GPC5: variants seen among roughly 807,000 people sequenced by gnomAD.
The protein encoded by GPC5 is glypican-5.
GPC5 carries 47 observed loss-of-function variants against 53.9 expected under a neutral mutation model. The ratio of observed to expected loss-of-function variants is 0.87; its 90% CI spans 0.69 to 1.11. The LOEUF is 1.11. GPC5 is among the 50% of genes most tolerant of loss of function. The pLI is 0.00. For synonymous variants in GPC5, 286 were observed against 263.3 expected (o/e 1.09, Z -0.84); for missense variants, 748 against 713.1 (o/e 1.05, Z -0.56).
chr13:91,692,398 C>A (rs1430081317), intron 2 of GPC5, among the ~76,000 whole-genome samples: 1 of 152,138 alleles, frequency 6.6e-6, no homozygotes, highest in East Asian at 1.9e-4. Flanking sequence ...CTTTGGGAAT[C>A]TAACCTCCCT....
At chr13:91,868,487 T>G (rs1022378942) in intron 5 of GPC5, among the ~76,000 whole-genome samples, 2 of 152,184 alleles carry the variant, frequency 1.3e-5, no homozygotes, top group East Asian at 3.8e-4. Context: ...GGAGGATTAC[T>G]TGAGCCTGGG....
chr13:91,579,905 C>T (rs551260896), intron 2 of GPC5, among the ~76,000 whole-genome samples: 11 of 151,806 alleles, frequency 7.2e-5, no homozygotes, highest in African/African-American at 2.7e-4. Context: ...ATAATATTTC[C>T]TGGTAATTTG....
intron 1 of GPC5, among the ~76,000 whole-genome samples, chr13:91,448,455 C>CA (rs1187602043): frequency 6.6e-6 from 1 of 152,132 alleles, no homozygotes; most frequent in Non-Finnish European, 1.5e-5. Flanking sequence ...AAAAAACCCA[C>CA]AAAAAACCTT....
intron 7 of GPC5, among the ~76,000 whole-genome samples, chr13:92,233,395 A>G (rs1431449330): frequency 2.0e-5 from 3 of 152,242 alleles, no homozygotes; most frequent in Non-Finnish European, 2.9e-5. Context: ...ACACTAGGTC[A>G]TCGGATGGGG....
chr13:92,410,972 T>C (rs924586178), intron 7 of GPC5, among the ~76,000 whole-genome samples: 24 of 152,202 alleles, frequency 1.6e-4, no homozygotes, highest in Non-Finnish European at 5.9e-5. Flanking sequence ...CAGTGGCCCA[T>C]GCCTATAATC....
In GPC5 at chr13:92,200,872, C is replaced by T. The variant is rs538502888; in HGVS notation, c.1561+55883C>T. 3.7e-4 allele frequency among the ~76,000 whole-genome samples: 56 copies of T among 152,244 alleles called. 1 individual carries two copies. In the Middle Eastern group the frequency reaches 0.02, roughly 55 times the overall value. ...CTGGCTCCTGTTGTGACCTCAGGGT[C>T]GGAGTATGAGAAGTGTATCTAAACT... On this transcript the variant is annotated intron_variant, in intron 7 of 7. Transcript: ENST00000377067.
chr13:91,895,729 G>T (rs2039434290), intron 5 of GPC5, among the ~76,000 whole-genome samples: 1 of 151,554 alleles, frequency 6.6e-6, no homozygotes, highest in Non-Finnish European at 1.5e-5. Context: ...TAGAAAGGAT[G>T]CTCCAGTTTG....
At chr13:92,718,341 A>C (rs1279299943) in intron 7 of GPC5, among the ~76,000 whole-genome samples, 1 of 152,212 alleles carries the variant, frequency 6.6e-6, no homozygotes, top group Non-Finnish European at 1.5e-5. Flanking sequence ...AAAATGCGGT[A>C]CACAATGAAG....
At chr13:92,493,870 A>G (rs1045926177) in intron 7 of GPC5, among the ~76,000 whole-genome samples, 1 of 152,222 alleles carries the variant, frequency 6.6e-6, no homozygotes, top group African/African-American at 2.4e-5. Flanking sequence ...AAGACTAAAT[A>G]ATATGACTGA....
intron 1 of GPC5, among the ~76,000 whole-genome samples, chr13:91,425,440 G>T (rs549557512): frequency 6.6e-6 from 1 of 152,100 alleles, no homozygotes; most frequent in Non-Finnish European, 1.5e-5. Context: ...GATCATGGGA[G>T]CAGTTTCCCC....
At chr13:91,612,596 A>C (rs149486642) in intron 2 of GPC5, among the ~76,000 whole-genome samples, 1 of 152,218 alleles carries the variant, frequency 6.6e-6, no homozygotes, top group Non-Finnish European at 1.5e-5. Context: ...GATGATACCC[A>C]TGGATTAAAA....
intron 6 of GPC5, among the ~76,000 whole-genome samples, chr13:91,919,742 G>T (rs146059181): frequency 6.6e-6 from 1 of 151,944 alleles, no homozygotes; most frequent in Admixed American, 6.6e-5. Flanking sequence ...AAAAAAAAAT[G>T]TACCAGGAAG....
chr13:92,805,960 C>A (rs988721746), intron 7 of GPC5, among the ~76,000 whole-genome samples: 1 of 152,016 alleles, frequency 6.6e-6, no homozygotes, highest in African/African-American at 2.4e-5. Flanking sequence ...AGAGAGTCAG[C>A]CTGTCCTTTG....
At chr13:91,843,012 C>CT (rs1306082137) in intron 5 of GPC5, among the ~76,000 whole-genome samples, 27 of 152,194 alleles carry the variant, frequency 1.8e-4, no homozygotes, top group African/African-American at 6.5e-4. Flanking sequence ...CTTTTAGCAT[C>CT]TAAGTGTCTC....
At chr13:91,649,482 C>G (rs1453987275) in intron 2 of GPC5, among the ~76,000 whole-genome samples, 1 of 152,174 alleles carries the variant, frequency 6.6e-6, no homozygotes, top group African/African-American at 2.4e-5. Flanking sequence ...GTTATTACTA[C>G]ACTACTAGTT....
intron 7 of GPC5, among the ~76,000 whole-genome samples, chr13:92,332,197 A>G (rs571640052): frequency 1.3e-5 from 2 of 152,282 alleles, no homozygotes; most frequent in African/African-American, 4.8e-5. Context: ...TTGAATACAT[A>G]ATGTTAAACT....
chr13:92,218,823 G>A (rs1219308300), intron 7 of GPC5, among the ~76,000 whole-genome samples: 1 of 152,144 alleles, frequency 6.6e-6, no homozygotes, highest in Non-Finnish European at 1.5e-5. Flanking sequence ...GAGTTGGAGG[G>A]CTTAATTAGA....
chr13:92,313,326 G>A (rs2043157833), intron 7 of GPC5, among the ~76,000 whole-genome samples: 1 of 152,114 alleles, frequency 6.6e-6, no homozygotes, highest in Non-Finnish European at 1.5e-5. Flanking sequence ...TGGGAACCAT[G>A]CTGAGAAGAG....
chr13:91,659,431 T>C (rs1360758712), intron 2 of GPC5, among the ~76,000 whole-genome samples: 1 of 152,120 alleles, frequency 6.6e-6, no homozygotes, highest in Non-Finnish European at 1.5e-5. Context: ...AGCCTTGGAA[T>C]ACTAATGCCA....
Sources: allele counts gnomAD v4.1 joint callset (sites outside exome capture counted in the v4.1 genomes callset), GRCh38; gene constraint gnomAD v4.1.1; transcripts MANE v1.5; gene names NCBI Gene and HGNC (gene_info 2026-07-23, HGNC 2026-07-21).